Variants in PIK3CA observed in about 807,000 individuals in gnomAD.
PIK3CA encodes phosphatidylinositol 4,5-bisphosphate 3-kinase catalytic subunit alpha isoform.
In PIK3CA, 27 loss-of-function variants were observed where a neutral mutation model predicts 138.2. The ratio of observed to expected loss-of-function variants is 0.20; its 90% confidence interval spans 0.14 to 0.27. The LOEUF (loss-of-function observed/expected upper bound fraction) is 0.27, where lower values mean the gene tolerates loss of function less well. PIK3CA is among the 10% of genes least tolerant of loss of function. The pLI is 1.00. For missense variants in PIK3CA, 544 were observed against 1,277.4 expected (o/e 0.43, Z 8.75); for synonymous variants, 358 against 413.2 (o/e 0.87, Z 1.62).
At chr3:179,210,078 TTCCC>T (rs1724668929) in intron 7 of PIK3CA, 104 bp from the exon 8 acceptor site, 2 of 786,274 alleles carry the variant, frequency 2.5e-6, no homozygotes, top group East Asian at 6.2e-5. Context: ...TTTTTAGATA[TTCCC>T]ATTATTATAG....
chr3:179,166,910 G>A (rs577770120), intron 1 of PIK3CA, among the ~76,000 whole-genome samples: 2 of 152,218 alleles, frequency 1.3e-5, no homozygotes, highest in South Asian at 4.1e-4. Flanking sequence ...ATATTTAGTA[G>A]CAACTGTTCT....
Position 179,238,102 on chromosome 3 carries a change from T to TA in PIK3CA, c.*3739dup, listed in dbSNP as rs2108433162. 8.9e-6 allele frequency: 2 copies of TA among 225,774 alleles called. No homozygotes were observed. Among genetic ancestry groups the TA allele is most frequent in the East Asian group, 1.3e-4 (2 of 15,818 alleles). The allele number at this position is 225,774 out of a possible 1,614,324, so 14.0% of individuals were successfully genotyped here. Reference sequence around the variant, plus strand: ...ACAGGGAGGAGTTGTTTGAATGAATTACATTCTTTATATCCATCCTGCTCA... The same window carrying TA: ...ACAGGGAGGAGTTGTTTGAATGAATTAACATTCTTTATATCCATCCTGCTCA... On this transcript the variant is annotated 3_prime_UTR_variant, in exon 21 of 21. Coordinates refer to ENST00000263967, the MANE Select transcript of PIK3CA (RefSeq NM_006218.4).
chr3:179,184,719 A>G (rs1345995678), intron 1 of PIK3CA, among the ~76,000 whole-genome samples: 1 of 151,984 alleles, frequency 6.6e-6, no homozygotes, highest in Non-Finnish European at 1.5e-5. Flanking sequence ...TTTGGTGGGG[A>G]TTTTTTCCCC....
chr3:179,167,574 A>G (rs1171996248), intron 1 of PIK3CA, among the ~76,000 whole-genome samples: 2 of 152,090 alleles, frequency 1.3e-5, no homozygotes, highest in African/African-American at 4.8e-5. Flanking sequence ...ATTCTGTTCT[A>G]TAACCATATT....
At chr3:179,193,467 C>T (rs913087560) in intron 1 of PIK3CA, among the ~76,000 whole-genome samples, 2 of 152,180 alleles carry the variant, frequency 1.3e-5, no homozygotes, top group African/African-American at 4.8e-5. Flanking sequence ...AAATGGGAGG[C>T]ATTCAGCAAC....
intron 6 of PIK3CA, among the ~76,000 whole-genome samples, chr3:179,207,721 C>T (rs930305967): frequency 3.3e-5 from 5 of 151,954 alleles, no homozygotes; most frequent in South Asian, 2.1e-4. Context: ...GGTTTTGCCA[C>T]GTTGGCCAGA....
chr3:179,172,609 TA>T (rs1316680310), intron 1 of PIK3CA, among the ~76,000 whole-genome samples: 3 of 152,150 alleles, frequency 2.0e-5, no homozygotes, highest in Middle Eastern at 3.4e-3. Context: ...AAAATGAAAT[TA>T]AAAAACCATT....
intron 1 of PIK3CA, among the ~76,000 whole-genome samples, chr3:179,156,890 T>C (rs572979841): frequency 2.0e-5 from 3 of 152,338 alleles, no homozygotes; most frequent in Admixed American, 2.0e-4. Context: ...AACAACTGAC[T>C]GCCTTTAGCC....
chr3:179,221,772 A>G (rs1724974679), intron 14 of PIK3CA, among the ~76,000 whole-genome samples: 1 of 137,654 alleles, frequency 7.3e-6, no homozygotes, highest in East Asian at 2.1e-4. Context: ...CAGTGGTGCA[A>G]TTTCGGCTCA....
At chr3:179,227,832 T>C (rs1171063001) in intron 17 of PIK3CA, among the ~76,000 whole-genome samples, 1 of 152,070 alleles carries the variant, frequency 6.6e-6, no homozygotes, top group African/African-American at 2.4e-5. Flanking sequence ...TCTGCACCCT[T>C]GACTAAGTGT....
chr3:179,150,449 A>C (rs973860246), intron 1 of PIK3CA, among the ~76,000 whole-genome samples: 12 of 152,252 alleles, frequency 7.9e-5, no homozygotes, highest in Non-Finnish European at 1.8e-4. Context: ...TCAGTTTTAA[A>C]TAATTAAAAA....
At chr3:179,221,927 C>A (rs1239934363) in intron 14 of PIK3CA, among the ~76,000 whole-genome samples, 3 of 151,696 alleles carry the variant, frequency 2.0e-5, no homozygotes, top group African/African-American at 4.8e-5. Flanking sequence ...AGGCTGGTCT[C>A]CAATTCCTGG....
At chr3:179,198,286 CT>C (rs1724317928) in intron 1 of PIK3CA, among the ~76,000 whole-genome samples, 1 of 152,154 alleles carries the variant, frequency 6.6e-6, no homozygotes, top group African/African-American at 2.4e-5. Flanking sequence ...AAGGATTTGA[CT>C]TCTCTAGGCA....
At chr3:179,154,985 CTA>C (rs1723098677) in intron 1 of PIK3CA, among the ~76,000 whole-genome samples, 1 of 152,076 alleles carries the variant, frequency 6.6e-6, no homozygotes, top group African/African-American at 2.4e-5. Context: ...TTCTTACAGA[CTA>C]TGCTTGTCAG....
At chr3:179,168,282 G>A (rs928457049) in intron 1 of PIK3CA, among the ~76,000 whole-genome samples, 5 of 152,144 alleles carry the variant, frequency 3.3e-5, no homozygotes, top group African/African-American at 1.2e-4. Context: ...ATGATAGTTT[G>A]CTGAGTATAG....
intron 1 of PIK3CA, among the ~76,000 whole-genome samples, chr3:179,173,184 C>T (rs1723603523): frequency 6.6e-6 from 1 of 151,446 alleles, no homozygotes; most frequent in Non-Finnish European, 1.5e-5. Context: ...CATAAATAAA[C>T]TTGGTTAGGT....
At chr3:179,202,132 A>G (rs1030127799) in intron 4 of PIK3CA, among the ~76,000 whole-genome samples, 8 of 152,094 alleles carry the variant, frequency 5.3e-5, no homozygotes, top group African/African-American at 1.7e-4. Context: ...TGGTATGATC[A>G]TGGCTTACTG....
intron 1 of PIK3CA, among the ~76,000 whole-genome samples, chr3:179,178,481 C>G (rs950313211): frequency 1.3e-5 from 2 of 152,070 alleles, no homozygotes; most frequent in Non-Finnish European, 2.9e-5. Flanking sequence ...GAGATACCCA[C>G]TAGAATAGCT....
rs2108430525 is a variant in PIK3CA, at chr3:179,234,470, A to G, written c.*106A>G. ...CATAGGAATTGCACAATCCATGAAC[A>G]GCATTAGAATTTACAGCAAGAACAG... is the stretch of plus-strand genomic sequence containing the variant. On this transcript the variant is annotated 3_prime_UTR_variant, in exon 21 of 21. Transcript: ENST00000263967. The surrounding 1 kb of genome is among the most constrained non-coding windows in gnomAD (Gnocchi z 5.1). 7.2e-6 allele frequency: 6 copies of G among 831,004 alleles called. No individual in the cohort carries two copies. Among genetic ancestry groups the G allele is most frequent in the Non-Finnish European group, 1.1e-5 (6 of 545,346 alleles). The allele number at this position is 831,004 out of a possible 1,614,324, so 51.5% of individuals were successfully genotyped here.
Sources: gnomAD v4.1 joint callset for allele counts (sites outside exome capture counted in the v4.1 genomes callset) on GRCh38, gnomAD v4.1.1 for gene constraint, Gnocchi (gnomAD v3.1) non-coding constraint, MANE v1.5 for transcripts, NCBI Gene and HGNC (gene_info 2026-07-23, HGNC 2026-07-21) for gene names.